Variants in GPC5 observed in about 807,000 individuals in gnomAD.
GPC5 encodes glypican 5, also known as glypican-5.
A neutral mutation model predicts 53.9 loss-of-function variants in GPC5; 47 were observed. The ratio of observed to expected loss-of-function variants is 0.87; its 90% CI spans 0.69 to 1.11. GPC5 has a LOEUF of 1.11. Among genes scored for constraint, GPC5 ranks in the 50% most tolerant of loss-of-function variants. The probability of loss-of-function intolerance (pLI) is 0.00; values close to 1 mark genes in which losing one functional copy is unlikely to be tolerated. For missense variants in GPC5, 748 were observed against 713.1 expected, an observed-to-expected ratio of 1.05 and a Z score of -0.56; for synonymous variants, 286 against 263.3, an observed-to-expected ratio of 1.09 and a Z score of -0.84.
rs564903727 is a variant in GPC5, at chr13:91,894,165, A to G, written c.1281-13772A>G. Among the ~76,000 whole-genome samples, 49 of 152,252 alleles carry G rather than the reference A, an allele frequency of 3.2e-4. No individual in the cohort carries two copies. The South Asian group carries it at 5.2e-3, about 16-fold the overall frequency. On this transcript the variant is annotated intron_variant, in intron 5 of 7. Coordinates refer to ENST00000377067, the MANE Select transcript of GPC5 (RefSeq NM_004466.6). Reference sequence around the variant, plus strand: ...AATTGTCAGACAAATGTAAATGTACATTTCCAGAAGGTGTCTAACTTGCTG... The same window carrying G: ...AATTGTCAGACAAATGTAAATGTACGTTTCCAGAAGGTGTCTAACTTGCTG...
chr13:91,478,822 T>TATATATATATATATAC lies in GPC5; in HGVS notation c.325+29901_325+29902insTATATATATATATACA, dbSNP rs1323023652. Among the ~76,000 whole-genome samples, 430 of 92,018 alleles carry TATATATATATATATAC rather than the reference T, an allele frequency of 4.7e-3. 22 individuals are homozygous for TATATATATATATATAC. The highest frequency in any genetic ancestry group is 0.021 in the African/African-American group (406 of 19,220). 60.4% of individuals were successfully genotyped at this position (92,018 alleles called of 152,430 possible). On this transcript the variant is annotated intron_variant, in intron 2 of 7. Transcript: ENST00000377067. Reference sequence around the variant, plus strand: ...ATATATATATATATATATATATATATACACACACACACATATATATACACA... The same window carrying TATATATATATATATAC: ...ATATATATATATATATATATATATATATATATATATATATACACACACACACACATATATATACACA...
intron 4 of GPC5, among the ~76,000 whole-genome samples, chr13:91,734,725 A>T (rs1261260518): frequency 6.6e-6 from 1 of 151,472 alleles, no homozygotes. Flanking sequence ...TTGGTGGTGA[A>T]TAAAGTGATG....
At chr13:92,304,484 G>A (rs1251037301) in intron 7 of GPC5, among the ~76,000 whole-genome samples, 1 of 152,086 alleles carries the variant, frequency 6.6e-6, no homozygotes, top group Admixed American at 6.5e-5. Flanking sequence ...GATTACAGGT[G>A]TGAGCCACTG....
At chr13:92,745,735 T>C (rs1293976774) in intron 7 of GPC5, among the ~76,000 whole-genome samples, 1 of 152,158 alleles carries the variant, frequency 6.6e-6, no homozygotes, top group Non-Finnish European at 1.5e-5. Context: ...CCAGGCTAAT[T>C]ATTTAACAAG....
At chr13:92,559,691 T>G (rs371504334) in intron 7 of GPC5, among the ~76,000 whole-genome samples, 1 of 151,708 alleles carries the variant, frequency 6.6e-6, no homozygotes, top group Non-Finnish European at 1.5e-5. Context: ...CCACCCTGAC[T>G]TACCTTGCCA....
intron 6 of GPC5, among the ~76,000 whole-genome samples, chr13:92,064,756 CAAAAAA>C (rs1175120330): frequency 3.0e-5 from 1 of 33,644 alleles, no homozygotes; most frequent in African/African-American, 1.2e-4. Context: ...GACTCCGTCT[CAAAAAA>C]AAAAAACAAA....
At chr13:91,473,421 G>T (rs1243816348) in intron 2 of GPC5, among the ~76,000 whole-genome samples, 1 of 152,130 alleles carries the variant, frequency 6.6e-6, no homozygotes, top group African/African-American at 2.4e-5. Flanking sequence ...ATTAGGAGGA[G>T]AAATATAACA....
chr13:91,876,564 A>G (rs1235273776), intron 5 of GPC5, among the ~76,000 whole-genome samples: 1 of 152,186 alleles, frequency 6.6e-6, no homozygotes, highest in East Asian at 1.9e-4. Context: ...GAAAGAAATG[A>G]TTTAGGGTAT....
chr13:91,697,766 CTT>C (rs1432912298), intron 3 of GPC5, among the ~76,000 whole-genome samples: 1 of 152,016 alleles, frequency 6.6e-6, no homozygotes, highest in Non-Finnish European at 1.5e-5. Context: ...TAATTTGACA[CTT>C]TAACTTATTA....
At chr13:91,521,022 C>T (rs1463512473) in intron 2 of GPC5, among the ~76,000 whole-genome samples, 1 of 151,948 alleles carries the variant, frequency 6.6e-6, no homozygotes, top group African/African-American at 2.4e-5. Context: ...AAATATAACT[C>T]TTTTATTGAT....
chr13:92,419,370 C>T (rs544830858), intron 7 of GPC5, among the ~76,000 whole-genome samples: 2 of 152,196 alleles, frequency 1.3e-5, no homozygotes, highest in South Asian at 4.1e-4. Flanking sequence ...ATCACTCTCT[C>T]TTAAATGGTG....
rs189118188 is a variant in GPC5 at position 92,824,495 on chromosome 13, G to A, written c.1562-41787G>A. Among the ~76,000 whole-genome samples the A allele has an allele frequency of 5.9e-5, 9 of 152,158 alleles. No homozygotes were observed. The East Asian group carries it at 1.5e-3, about 26-fold the overall frequency. The stretch of plus-strand genomic sequence containing the variant: ...GGAAGCCCTGTAGACTGGCTACCCA[G>A]AATGGAAGCTTAGTGGAAGAAGACA... On this transcript the variant is annotated intron_variant, in intron 7 of 7. Coordinates refer to ENST00000377067, the MANE Select transcript of GPC5 (RefSeq NM_004466.6).
intron 7 of GPC5, among the ~76,000 whole-genome samples, chr13:92,188,511 T>A (rs1166677392): frequency 6.6e-6 from 1 of 152,112 alleles, no homozygotes; most frequent in East Asian, 1.9e-4. Context: ...AATAAATAGT[T>A]TTACTCCTAT....
At chr13:92,670,149 G>A (rs545922307) in intron 7 of GPC5, among the ~76,000 whole-genome samples, 7 of 152,184 alleles carry the variant, frequency 4.6e-5, no homozygotes, top group Non-Finnish European at 7.4e-5. Flanking sequence ...GCTGTTGTAC[G>A]CATGTGTGAG....
intron 2 of GPC5, among the ~76,000 whole-genome samples, chr13:91,612,225 T>C (rs1229684175): frequency 6.6e-6 from 1 of 152,162 alleles, no homozygotes; most frequent in Non-Finnish European, 1.5e-5. Flanking sequence ...CAGGTGACTG[T>C]GATAATATGA....
intron 7 of GPC5, among the ~76,000 whole-genome samples, chr13:92,507,561 C>T (rs1157081006): frequency 6.6e-6 from 1 of 152,092 alleles, no homozygotes; most frequent in East Asian, 1.9e-4. Context: ...GTTTTCATAA[C>T]CAGTTTAGAC....
intron 7 of GPC5, among the ~76,000 whole-genome samples, chr13:92,360,582 C>T (rs2043557788): frequency 6.6e-6 from 1 of 151,576 alleles, no homozygotes; most frequent in South Asian, 2.1e-4. Context: ...CAAGGATGCC[C>T]CTTCTCACCA....
At chr13:91,490,296 A>C (rs993017809) in intron 2 of GPC5, among the ~76,000 whole-genome samples, 1 of 152,144 alleles carries the variant, frequency 6.6e-6, no homozygotes, top group Admixed American at 6.5e-5. Flanking sequence ...GGTGAAGAGA[A>C]GAAATTTCTA....
At chr13:92,249,367 G>A (rs1417514435) in intron 7 of GPC5, among the ~76,000 whole-genome samples, 1 of 152,034 alleles carries the variant, frequency 6.6e-6, no homozygotes, top group African/African-American at 2.4e-5. Context: ...CAGATGCTAC[G>A]GAGGCCAATA....
Sources: gnomAD v4.1 joint callset for allele counts (sites outside exome capture counted in the v4.1 genomes callset) on GRCh38, gnomAD v4.1.1 for gene constraint, MANE v1.5 for transcripts, NCBI Gene and HGNC (gene_info 2026-07-23, HGNC 2026-07-21) for gene names.